The following PPIG variants were observed in gnomAD, a reference collection of about 807,000 sequenced individuals.
The protein encoded by PPIG is peptidyl-prolyl cis-trans isomerase G.
In PPIG, 26 loss-of-function variants were observed where a neutral mutation model predicts 87.9. The observed-to-expected ratio is 0.30, with a 90% CI of 0.22 to 0.41. The LOEUF (loss-of-function observed/expected upper bound fraction) is 0.41. Among genes scored for constraint, PPIG ranks in the 10% least tolerant of loss-of-function variants. The pLI is 1.00. For synonymous variants in PPIG, 308 were observed against 276.5 expected, an observed-to-expected ratio of 1.11 and a Z score of -1.13; for missense variants, 722 against 879.4, an observed-to-expected ratio of 0.82 and a Z score of 2.26.
chr2:169,592,188 G>A (rs886310782), intron 1 of PPIG, among the ~76,000 whole-genome samples: 1 of 148,890 alleles, frequency 6.7e-6, no homozygotes, highest in Admixed American at 6.7e-5. Context: ...ATTTTCCCCT[G>A]AATCATGTTT....
rs770364979 is a variant in PPIG at position 169,631,758 on chromosome 2, C to T, written c.762-8C>T. 2.0e-5 allele frequency: 33 copies of T among 1,613,510 alleles called. No homozygotes were observed. The highest frequency in any genetic ancestry group is 2.6e-5 in the Non-Finnish European group (31 of 1,179,786). On this transcript the variant is annotated splice_polypyrimidine_tract_variant and splice_region_variant and intron_variant, in intron 10 of 13. Transcript: ENST00000260970. ...TGTAACTTGTTTTGTGTGTTTCTGT[C>T]TGTTAAGTGCATCTAGTGAGAGTGA...
Position 169,604,121 on chromosome 2 carries a change from A to G in PPIG, c.61+19A>G, listed in dbSNP as rs777399155. 1.9e-6 allele frequency: 3 copies of G among 1,609,826 alleles called. No homozygotes were observed. In the South Asian group the frequency reaches 3.3e-5, roughly 18 times the overall value. On this transcript the variant is annotated intron_variant, in intron 3 of 13. Coordinates refer to ENST00000260970, the MANE Select transcript of PPIG (RefSeq NM_004792.3). ...CAACCTGGTAAGAATATTAGTTGAC[A>G]TTTATAAATGGGTGTTTAATATTTT...
chr2:169,636,020 T>A, intron 12 of PPIG, 72 bp from the exon 13 acceptor site: 4 of 1,208,270 alleles, frequency 3.3e-6, no homozygotes, highest in Non-Finnish European at 4.5e-6. Context: ...AGTACTTCCC[T>A]CCCTCCCAGC....
intron 9 of PPIG, among the ~76,000 whole-genome samples, chr2:169,624,649 GC>G: frequency 6.6e-6 from 1 of 152,276 alleles, no homozygotes; most frequent in Middle Eastern, 3.4e-3. Context: ...GTGCAGTGGT[GC>G]GTTCTCGGCT....
At chr2:169,604,135 G>T in intron 3 of PPIG, 33 bp downstream of exon 3, 1 of 1,606,882 alleles carries the variant, frequency 6.2e-7, no homozygotes, top group South Asian at 1.1e-5. Context: ...ATAAATGGGT[G>T]TTTAATATTT....
intron 9 of PPIG, among the ~76,000 whole-genome samples, chr2:169,629,389 G>A (rs1459163371): frequency 6.6e-6 from 1 of 152,154 alleles, no homozygotes; most frequent in African/African-American, 2.4e-5. Context: ...TCCTGACAGT[G>A]TTCAGATTGT....
intron 9 of PPIG, among the ~76,000 whole-genome samples, chr2:169,615,761 G>A (rs1685594501): frequency 6.6e-6 from 1 of 152,182 alleles, no homozygotes; most frequent in Non-Finnish European, 1.5e-5. Flanking sequence ...GTGAACATGA[G>A]AGTGAGATAT....
chr2:169,631,061 C>A, intron 10 of PPIG, 74 bp downstream of exon 10: 1 of 1,320,354 alleles, frequency 7.6e-7, no homozygotes, highest in Non-Finnish European at 1.0e-6. Context: ...GATTTTGGGT[C>A]AATTATATGA....
chr2:169,606,668 T>C (rs1453944218), intron 5 of PPIG, among the ~76,000 whole-genome samples: 1 of 151,130 alleles, frequency 6.6e-6, no homozygotes, highest in African/African-American at 2.4e-5. Flanking sequence ...AATAGGCTTC[T>C]GGATACAAAA....
At chr2:169,606,864 G>A (rs1336619022) in intron 5 of PPIG, among the ~76,000 whole-genome samples, 1 of 152,092 alleles carries the variant, frequency 6.6e-6, no homozygotes, top group Non-Finnish European at 1.5e-5. Flanking sequence ...GAATCTGAAA[G>A]TTCTTTTTTA....
Position 169,636,244 on chromosome 2 carries a change from T to TATTA in PPIG, c.1154+17_1154+20dup, listed in dbSNP as rs1253442318. ...AGGGGGATAAGTAAGATTTAACTAT[T>TATTA]ATTATTTCAAATGTAATGATAAGTG... On this transcript the variant is annotated intron_variant, in intron 13 of 13. Transcript: ENST00000260970. The TATTA allele has an allele frequency of 1.3e-6, 2 of 1,576,218 alleles. No homozygotes were observed. The highest frequency in any genetic ancestry group is 1.7e-6 in the Non-Finnish European group (2 of 1,167,472).
rs1429124564 is a variant in PPIG, at chr2:169,590,535, G to A, written c.-70+6045G>A. 5.9e-5 allele frequency among the ~76,000 whole-genome samples: 9 copies of A among 152,180 alleles called. No individual in the cohort carries two copies. The East Asian group carries it at 1.2e-3, about 20-fold the overall frequency. ...CGGGTGCCTGTAGTCCCAGCTACTCGGGAGGCTGAGGCAGAAGAATGGCGT... is the reference window on the plus strand; with the variant it reads ...CGGGTGCCTGTAGTCCCAGCTACTCAGGAGGCTGAGGCAGAAGAATGGCGT... On this transcript the variant is annotated intron_variant, in intron 1 of 13. Coordinates refer to ENST00000260970, the MANE Select transcript of PPIG (RefSeq NM_004792.3).
chr2:169,614,863 AT>A, intron 9 of PPIG, 139 bp downstream of exon 9: 1 of 1,056,590 alleles, frequency 9.5e-7, no homozygotes, highest in Non-Finnish European at 1.3e-6. Flanking sequence ...CTGTGCTTTT[AT>A]TTTTTACTTT....
chr2:169,598,436 G>C (rs972290228), intron 1 of PPIG, among the ~76,000 whole-genome samples: 2 of 151,974 alleles, frequency 1.3e-5, no homozygotes, highest in Non-Finnish European at 2.9e-5. Flanking sequence ...GACTACAGGC[G>C]CCTGCCACCA....
chr2:169,612,428 G>C (rs1465373518), intron 7 of PPIG, among the ~76,000 whole-genome samples: 3 of 136,956 alleles, frequency 2.2e-5, no homozygotes, highest in African/African-American at 8.6e-5. Flanking sequence ...CTGTTGCCCA[G>C]CCTGGAGTGC....
chr2:169,620,566 G>T (rs1685721913), intron 9 of PPIG, among the ~76,000 whole-genome samples: 1 of 152,076 alleles, frequency 6.6e-6, no homozygotes, highest in Non-Finnish European at 1.5e-5. Flanking sequence ...AGACTCTGGG[G>T]CTAGATGGCA....
At chr2:169,594,901 C>T (rs762107092) in intron 1 of PPIG, among the ~76,000 whole-genome samples, 14 of 151,780 alleles carry the variant, frequency 9.2e-5, no homozygotes, top group African/African-American at 1.7e-4. Context: ...GGACTACAGG[C>T]GTGAGACACC....
rs1167956051 is a variant in PPIG at position 169,604,272 on chromosome 2, A to G, written c.136+11A>G. 2 of 1,572,352 alleles carry G rather than the reference A, an allele frequency of 1.3e-6. No individual in the cohort carries two copies. The highest frequency in any genetic ancestry group is 8.6e-7 in the Non-Finnish European group (1 of 1,160,270). On this transcript the variant is annotated intron_variant, in intron 4 of 13. Transcript: ENST00000260970. ...GTTGTCTTTGTACAGGTTTGTTCAC[A>G]TTTTCAACTGCCCTAATAGTAGTCT...
rs1574467609 is a variant in PPIG at position 169,636,601 on chromosome 2, A to G, written c.1343A>G (p.Tyr448Cys). 3.8e-6 allele frequency: 6 copies of G among 1,596,446 alleles called. No homozygotes were observed. The highest frequency in any genetic ancestry group is 1.2e-5 in the South Asian group (1 of 86,166). The change falls in exon 14 of 14, where the codon TAT (tyrosine) becomes TGT (cysteine). Residue 448 changes from tyrosine (Y) to cysteine (C), a missense_variant. Coordinates refer to ENST00000260970, the MANE Select transcript of PPIG (RefSeq NM_004792.3). ...AGAAATTCAGAAAAAGATGACAAGTATAAAAACAAAGTGAAGAAAAGGGCC... is the reference window on the plus strand; with the variant it reads ...AGAAATTCAGAAAAAGATGACAAGTGTAAAAACAAAGTGAAGAAAAGGGCC... Reference protein sequence around the residue: ...IRRNSEKDDKYKNKVKKRAKS... With the variant: ...IRRNSEKDDKCKNKVKKRAKS...
Sources: allele counts gnomAD v4.1 joint callset (sites outside exome capture counted in the v4.1 genomes callset), GRCh38; gene constraint gnomAD v4.1.1; transcripts MANE v1.5; gene names NCBI Gene and HGNC (gene_info 2026-07-23, HGNC 2026-07-21).